CYTH3: variants seen among roughly 807,000 people sequenced by gnomAD.
CYTH3 encodes cytohesin 3, also known as cytohesin-3.
A neutral mutation model predicts 55.1 loss-of-function variants in CYTH3; 23 were observed. The ratio of observed to expected loss-of-function variants is 0.42; its 90% CI spans 0.30 to 0.59. CYTH3 has a LOEUF of 0.59. Among genes scored for constraint, CYTH3 ranks in the 20% least tolerant of loss-of-function variants. The pLI is 0.20. For missense variants in CYTH3, 413 were observed against 524.8 expected, an observed-to-expected ratio of 0.79 and a Z score of 2.08; for synonymous variants, 249 against 194.9, an observed-to-expected ratio of 1.28 and a Z score of -2.31.
At chr7:6,255,381 C>T (rs1211916636) in intron 1 of CYTH3, among the ~76,000 whole-genome samples, 1 of 152,178 alleles carries the variant, frequency 6.6e-6, no homozygotes, top group Admixed American at 6.5e-5. Flanking sequence ...TCCTCAATGG[C>T]TGACCTGATA....
intron 1 of CYTH3, among the ~76,000 whole-genome samples, chr7:6,245,882 C>T (rs1779801293): frequency 6.6e-6 from 1 of 152,122 alleles, no homozygotes; most frequent in South Asian, 2.1e-4. Flanking sequence ...ACAGCCTGGG[C>T]AGCAAGAGTG....
chr7:6,215,652 T>C (rs1784409878), intron 1 of CYTH3, among the ~76,000 whole-genome samples: 1 of 149,074 alleles, frequency 6.7e-6, no homozygotes, highest in African/African-American at 2.5e-5. Context: ...CATTTTTTAA[T>C]AGGTGAAAAC....
intron 1 of CYTH3, among the ~76,000 whole-genome samples, chr7:6,233,212 T>A (rs1463182502): frequency 6.6e-6 from 1 of 152,260 alleles, no homozygotes; most frequent in East Asian, 1.9e-4. Flanking sequence ...ACATCTCCAA[T>A]AGGACTGCAG....
chr7:6,182,812 A>G (rs1783542829), intron 4 of CYTH3, among the ~76,000 whole-genome samples: 1 of 151,740 alleles, frequency 6.6e-6, no homozygotes, highest in Non-Finnish European at 1.5e-5. Context: ...CCCCGCCTCT[A>G]TTGTTTCCAT....
chr7:6,181,529 C>T (rs1455591035), intron 4 of CYTH3, among the ~76,000 whole-genome samples: 2 of 152,184 alleles, frequency 1.3e-5, no homozygotes, highest in Non-Finnish European at 2.9e-5. Flanking sequence ...TCTTTCCTTC[C>T]TGGGAAATTT....
rs558857264 is a variant in CYTH3 at position 6,195,611 on chromosome 7, C to T, written c.35-5080G>A. Among the ~76,000 whole-genome samples the T allele has an allele frequency of 8.9e-4, 135 of 152,174 alleles. 4 individuals carry two copies. The highest frequency in any genetic ancestry group is 3.3e-4 in the Admixed American group (5 of 15,264). On this transcript the variant is annotated intron_variant, in intron 1 of 12. Transcript: ENST00000350796. Reference sequence around the variant, plus strand: ...CTGGGATTACAGGTGCCTGCCATCACGCCCGGCTAATTTTTTGTATTCACA... The same window carrying T: ...CTGGGATTACAGGTGCCTGCCATCATGCCCGGCTAATTTTTTGTATTCACA...
intron 1 of CYTH3, among the ~76,000 whole-genome samples, chr7:6,267,363 A>G (rs1015071973): frequency 2.0e-5 from 3 of 152,218 alleles, no homozygotes; most frequent in Non-Finnish European, 2.9e-5. Context: ...CACCATCAAC[A>G]TTTGAGTAAA....
At chr7:6,207,340 T>C (rs951283097) in intron 1 of CYTH3, among the ~76,000 whole-genome samples, 10 of 152,222 alleles carry the variant, frequency 6.6e-5, no homozygotes, top group Admixed American at 6.5e-4. Context: ...GTGATCCACT[T>C]GCCTCAGCCT....
intron 1 of CYTH3, among the ~76,000 whole-genome samples, chr7:6,254,746 GCC>G (rs1222694081): frequency 2.6e-5 from 4 of 152,196 alleles, no homozygotes; most frequent in African/African-American, 9.7e-5. Context: ...CATCGCACCT[GCC>G]CATGTTTGTA....
At chr7:6,235,790 C>G (rs1446480195) in intron 1 of CYTH3, among the ~76,000 whole-genome samples, 2 of 152,024 alleles carry the variant, frequency 1.3e-5, no homozygotes, top group African/African-American at 4.8e-5. Flanking sequence ...AAACCCCACT[C>G]AAATGTGGAG....
chr7:6,231,472 C>G (rs972135099), intron 1 of CYTH3, among the ~76,000 whole-genome samples: 3 of 152,148 alleles, frequency 2.0e-5, no homozygotes, highest in African/African-American at 7.2e-5. Flanking sequence ...CGGGGTGTCT[C>G]CCAGGCAGCC....
At chr7:6,232,204 T>C (rs1779405729) in intron 1 of CYTH3, among the ~76,000 whole-genome samples, 3 of 152,132 alleles carry the variant, frequency 2.0e-5, no homozygotes. Flanking sequence ...TTCTGGTTAT[T>C]GAAACAAACC....
chr7:6,265,896 A>G (rs1406277709), intron 1 of CYTH3, among the ~76,000 whole-genome samples: 2 of 152,062 alleles, frequency 1.3e-5, no homozygotes, highest in African/African-American at 4.8e-5. Context: ...ACACCACAAT[A>G]TACTGAGATG....
rs928840355 is a variant in CYTH3, at chr7:6,169,779, G to A, written c.823+756C>T. Among the ~76,000 whole-genome samples the A allele has an allele frequency of 1.3e-5, 2 of 152,178 alleles. No individual in the cohort carries two copies. The highest frequency in any genetic ancestry group is 1.3e-4 in the Admixed American group (2 of 15,286). On this transcript the variant is annotated intron_variant, in intron 9 of 12. Coordinates refer to ENST00000350796, the MANE Select transcript of CYTH3 (RefSeq NM_004227.4). The surrounding 1 kb of genome is among the most constrained non-coding windows in gnomAD (Gnocchi z 4.1). ...CTGCTGGGTTAGTATGGGGTGGAGG[G>A]TGACGCCGCAGGGACAGGGCTGGCT...
chr7:6,180,581 G>C (rs967172081), intron 4 of CYTH3, among the ~76,000 whole-genome samples: 1 of 152,176 alleles, frequency 6.6e-6, no homozygotes, highest in Non-Finnish European at 1.5e-5. Flanking sequence ...CGGACTTCTG[G>C]CCTCCTGAAC....
chr7:6,192,636 A>T (rs1783827707), intron 1 of CYTH3, among the ~76,000 whole-genome samples: 1 of 145,758 alleles, frequency 6.9e-6, no homozygotes, highest in Admixed American at 7.1e-5. Flanking sequence ...AGTTCAAGTG[A>T]TTCTCCTGCC....
At chr7:6,194,166 A>G (rs1783865343) in intron 1 of CYTH3, among the ~76,000 whole-genome samples, 1 of 152,232 alleles carries the variant, frequency 6.6e-6, no homozygotes. Context: ...ACAGACACAA[A>G]AAAGCAAAAA....
intron 1 of CYTH3, among the ~76,000 whole-genome samples, chr7:6,195,807 T>A (rs541570738): frequency 1.3e-5 from 2 of 152,272 alleles, no homozygotes; most frequent in Admixed American, 1.3e-4. Context: ...GTCTAATGAT[T>A]CTTTCCCAGG....
At chr7:6,176,402 C>T (rs1783352486) in intron 5 of CYTH3, among the ~76,000 whole-genome samples, 1 of 151,494 alleles carries the variant, frequency 6.6e-6, no homozygotes, top group South Asian at 2.1e-4. Flanking sequence ...GCTGAGAATA[C>T]AGGCGCCCAC....
Sources: allele counts gnomAD v4.1 joint callset (sites outside exome capture counted in the v4.1 genomes callset), GRCh38; gene constraint gnomAD v4.1.1; non-coding constraint Gnocchi (gnomAD v3.1); transcripts MANE v1.5; gene names NCBI Gene and HGNC (gene_info 2026-07-23, HGNC 2026-07-21).